MCF2L2: variants seen among roughly 807,000 people sequenced by gnomAD.
MCF2L2 encodes the protein MCF.2 cell line derived transforming sequence-like 2, also known as probable guanine nucleotide exchange factor MCF2L2.
Under a neutral mutation model 150.2 loss-of-function variants are expected in MCF2L2, and 102 were observed. The observed-to-expected ratio is 0.68, with a 90% CI of 0.58 to 0.80. The LOEUF (loss-of-function observed/expected upper bound fraction) is 0.80. MCF2L2 is among the 30% of genes least tolerant of loss of function. The pLI, the probability that MCF2L2 is intolerant of heterozygous loss-of-function variation, is 0.00. For missense variants in MCF2L2, 1,256 were observed against 1,372.8 expected, an observed-to-expected ratio of 0.91 and a Z score of 1.34; for synonymous variants, 465 against 491.3, an observed-to-expected ratio of 0.95 and a Z score of 0.71.
At chr3:183,325,395 C>G (rs2108523433) in intron 5 of MCF2L2, among the ~76,000 whole-genome samples, 1 of 152,208 alleles carries the variant, frequency 6.6e-6, no homozygotes, top group East Asian at 1.9e-4. Context: ...CCTTGTCAGG[C>G]CCCATGTCTT....
chr3:183,360,866 G>A (rs555881770), intron 3 of MCF2L2, among the ~76,000 whole-genome samples: 17 of 151,720 alleles, frequency 1.1e-4, no homozygotes, highest in African/African-American at 3.9e-4. Context: ...CTACTCATGA[G>A]GCTGAGGCAG....
At chr3:183,323,721 C>A (rs2108521512) in intron 5 of MCF2L2, among the ~76,000 whole-genome samples, 1 of 151,328 alleles carries the variant, frequency 6.6e-6, no homozygotes, top group South Asian at 2.1e-4. Context: ...CTGCTTGGGC[C>A]TGGAGGTTAA....
chr3:183,214,703 T>C (rs1722849046), intron 22 of MCF2L2, among the ~76,000 whole-genome samples: 1 of 151,566 alleles, frequency 6.6e-6, no homozygotes. Flanking sequence ...TAAGAAAAAC[T>C]TGGCCGGGCA....
At position 183,338,800 on chromosome 3, in the gene MCF2L2, C is replaced by T. The variant is rs1253690361; in HGVS notation, c.486G>A (p.Pro162=). Residue 162 remains proline (P), a splice_region_variant and synonymous_variant, in exon 5 of 30, where the codon CCG becomes CCA. Transcript: ENST00000328913. The stretch of plus-strand genomic sequence containing the variant: ...AGACAAGATGAAAGGTCTTGCTTAC[C>T]GGCACTTTCGTTTTAAACTCATTTC... ...YYRNEFKTKV[P]IIMVNSVSDL... is the part of the protein sequence containing the mutation. The T allele has an allele frequency of 8.8e-6, 14 of 1,596,030 alleles. No homozygotes were observed. Among genetic ancestry groups the T allele is most frequent in the East Asian group, 2.2e-5 (1 of 44,512 alleles).
chr3:183,365,539 A>G (rs893767694), intron 3 of MCF2L2, among the ~76,000 whole-genome samples: 1 of 152,366 alleles, frequency 6.6e-6, no homozygotes, highest in Non-Finnish European at 1.5e-5. Flanking sequence ...TTTTAAAATT[A>G]ATGGTGTTCA....
intron 1 of MCF2L2, among the ~76,000 whole-genome samples, chr3:183,407,030 T>C (rs1715078345): frequency 2.0e-5 from 3 of 152,358 alleles, no homozygotes; most frequent in South Asian, 4.1e-4. Flanking sequence ...TGAATTTTTC[T>C]ATATGGGGTG....
intron 27 of MCF2L2, among the ~76,000 whole-genome samples, chr3:183,182,992 T>C (rs1721584039): frequency 6.6e-6 from 1 of 152,128 alleles, no homozygotes; most frequent in Non-Finnish European, 1.5e-5. Context: ...GTCCCAGCCC[T>C]GGGCTTTTAT....
rs781255035 is a variant in MCF2L2 at position 183,270,136 on chromosome 3, A to G, written c.1862+6736T>C. On this transcript the variant is annotated intron_variant, in intron 15 of 29. Coordinates refer to ENST00000328913, the MANE Select transcript of MCF2L2 (RefSeq NM_015078.4). This position sits in a 1 kb window ranked among gnomAD's most constrained non-coding sequence, Gnocchi z 4.5. ...TCCGGAATTAGAAGGACGTGGGGCA[A>G]TGAAAATTATGTTCGGTCTCAGCTG... is the stretch of plus-strand genomic sequence containing the variant. The G allele has an allele frequency of 3.1e-6, 5 of 1,614,012 alleles. No homozygotes were observed. The African/African-American group carries it at 6.7e-5, about 22-fold the overall frequency.
At chr3:183,409,610 G>A (rs868175888) in intron 1 of MCF2L2, among the ~76,000 whole-genome samples, 4 of 146,174 alleles carry the variant, frequency 2.7e-5, no homozygotes, top group Non-Finnish European at 4.5e-5. Context: ...GCTGGAGTGC[G>A]ATGGTGAAAT....
intron 1 of MCF2L2, among the ~76,000 whole-genome samples, chr3:183,421,782 T>C (rs1715899085): frequency 6.6e-6 from 1 of 152,250 alleles, no homozygotes; most frequent in Admixed American, 6.5e-5. Flanking sequence ...TACTGATTCC[T>C]CTTTTCCCCA....
intron 27 of MCF2L2, among the ~76,000 whole-genome samples, chr3:183,191,488 C>T (rs1721890417): frequency 6.6e-6 from 1 of 151,564 alleles, no homozygotes; most frequent in African/African-American, 2.4e-5. Flanking sequence ...ATGCCCGAAA[C>T]CGCAGAGAGT....
At chr3:183,231,934 C>A (rs376366437) in intron 15 of MCF2L2, among the ~76,000 whole-genome samples, 2 of 152,176 alleles carry the variant, frequency 1.3e-5, no homozygotes, top group East Asian at 1.9e-4. Flanking sequence ...GAATTTAAGA[C>A]GGTCCCCAAG....
At chr3:183,269,596 G>T (rs950338635) in intron 15 of MCF2L2, 3 of 507,900 alleles carry the variant, frequency 5.9e-6, no homozygotes, top group Non-Finnish European at 1.0e-5. Flanking sequence ...CAGTGTCCTC[G>T]TTCTACAGGG....
intron 15 of MCF2L2, among the ~76,000 whole-genome samples, chr3:183,233,411 T>A (rs1316962017): frequency 1.3e-5 from 2 of 152,024 alleles, no homozygotes; most frequent in East Asian, 3.9e-4. Context: ...TGTGTGTGTG[T>A]GTATATATAT....
intron 13 of MCF2L2, among the ~76,000 whole-genome samples, 182 bp downstream of exon 13, chr3:183,295,118 A>C (rs1309788111): frequency 1.3e-5 from 2 of 152,208 alleles, no homozygotes; most frequent in Admixed American, 6.5e-5. Flanking sequence ...CCTTGCATCC[A>C]GGCACTTGGT....
At chr3:183,376,995 C>T (rs2108584144) in intron 3 of MCF2L2, 1 of 152,236 alleles carries the variant, frequency 6.6e-6, no homozygotes, top group African/African-American at 2.4e-5. Flanking sequence ...TTTTCAAGTG[C>T]TTTTAACTTA....
chr3:183,250,743 G>A (rs1210932261), intron 15 of MCF2L2, among the ~76,000 whole-genome samples: 2 of 152,198 alleles, frequency 1.3e-5, no homozygotes, highest in East Asian at 3.8e-4. Flanking sequence ...GCGGAGCCAA[G>A]GAGATAGGGC....
At position 183,341,612 on chromosome 3, in the gene MCF2L2, A is replaced by G; in HGVS notation, c.294T>C (p.Ile98=). The G allele has an allele frequency of 1.9e-6, 3 of 1,614,048 alleles. No homozygotes were observed. Among genetic ancestry groups the G allele is most frequent in the Non-Finnish European group, 2.5e-6 (3 of 1,179,904 alleles). Reference sequence around the variant, plus strand: ...GTCTGTCGATAACAACAATGAATCCAATGCTGGCAGCCTCCACACTGCAAA... The same window carrying G: ...GTCTGTCGATAACAACAATGAATCCGATGCTGGCAGCCTCCACACTGCAAA... ...TSIPSVEAAS[I]GFIVVIDRRR... The change falls in exon 4 of 30, where the codon ATT becomes ATC. Residue 98 remains isoleucine (I), a synonymous_variant. Coordinates refer to ENST00000328913, the MANE Select transcript of MCF2L2 (RefSeq NM_015078.4).
chr3:183,249,471 T>G (rs78944044), intron 15 of MCF2L2, among the ~76,000 whole-genome samples: 1 of 152,164 alleles, frequency 6.6e-6, no homozygotes, highest in Non-Finnish European at 1.5e-5. Context: ...AGAGATTTCC[T>G]TATGCGTTGG....
Sources: gnomAD v4.1 joint callset for allele counts (sites outside exome capture counted in the v4.1 genomes callset) on GRCh38, gnomAD v4.1.1 for gene constraint, Gnocchi (gnomAD v3.1) non-coding constraint, MANE v1.5 for transcripts, NCBI Gene and HGNC (gene_info 2026-07-23, HGNC 2026-07-21) for gene names.